SYT1: variants seen among roughly 807,000 people sequenced by gnomAD.
SYT1 encodes synaptotagmin-1.
In SYT1, 8 loss-of-function variants were observed where a neutral mutation model predicts 44.8. The observed-to-expected ratio is 0.18, with a 90% confidence interval of 0.10 to 0.32. The LOEUF (loss-of-function observed/expected upper bound fraction) is 0.32, where lower values mean the gene tolerates loss of function less well. Among genes scored for constraint, SYT1 ranks in the 10% least tolerant of loss-of-function variants. The pLI, the probability that SYT1 is intolerant of heterozygous loss-of-function variation, is 1.00. For synonymous variants in SYT1, 154 were observed against 188.8 expected (o/e 0.82, Z 1.51); for missense variants, 286 against 509.3 (o/e 0.56, Z 4.22).
In SYT1 at chr12:79,449,091, G is replaced by C. The variant is rs1565962897; in HGVS notation, c.1236G>C (p.Glu412Asp). 2 of 1,613,768 alleles carry C rather than the reference G, an allele frequency of 1.2e-6. No homozygotes were observed. The highest frequency in any genetic ancestry group is 1.7e-6 in the Non-Finnish European group (2 of 1,179,844). The change falls in exon 11 of 11, where the codon GAG becomes GAC. Residue 412 changes from glutamate (E) to aspartate (D), a missense_variant. Physicochemically the swap from Glu to Asp is conservative, Grantham distance 45. Coordinates refer to ENST00000261205, the MANE Select transcript of SYT1 (RefSeq NM_005639.3). ...AGTGGCACACCCTGCAGGTAGAGGA[G>C]GAAGTTGATGCCATGCTGGCCGTCA... ...IAQWHTLQVE[E>D]EVDAMLAVKK
intron 1 of SYT1, among the ~76,000 whole-genome samples, chr12:78,930,932 C>T (rs1877599174): frequency 6.6e-6 from 1 of 151,600 alleles, no homozygotes; most frequent in Non-Finnish European, 1.5e-5. Flanking sequence ...ATACCTAAGA[C>T]TGAATAAATG....
intron 3 of SYT1, among the ~76,000 whole-genome samples, chr12:79,119,732 A>G (rs995446993): frequency 6.6e-6 from 1 of 152,198 alleles, no homozygotes; most frequent in Admixed American, 6.5e-5. Flanking sequence ...CCCAGGACTC[A>G]CTGAAACAAA....
At chr12:78,900,774 C>A (rs1242345830) in intron 1 of SYT1, among the ~76,000 whole-genome samples, 3 of 151,980 alleles carry the variant, frequency 2.0e-5, no homozygotes, top group Non-Finnish European at 4.4e-5. Flanking sequence ...TTAGAAATTT[C>A]TTTTATGTGG....
At chr12:79,308,599 AAAG>A (rs1305691030) in intron 8 of SYT1, among the ~76,000 whole-genome samples, 30 of 84,650 alleles carry the variant, frequency 3.5e-4, no homozygotes, top group African/African-American at 1.3e-3. Context: ...AAGAAGAAAG[AAAG>A]AAAGAAAGAA....
chr12:79,246,691 A>G (rs1354021868), intron 4 of SYT1, among the ~76,000 whole-genome samples: 1 of 152,212 alleles, frequency 6.6e-6, no homozygotes, highest in Non-Finnish European at 1.5e-5. Flanking sequence ...AGCCCTCATG[A>G]CTTAATCACT....
In SYT1 at chr12:79,212,516, A is replaced by AT. The variant is rs1874522676; in HGVS notation, c.-17-4985dup. 2.6e-5 allele frequency among the ~76,000 whole-genome samples: 4 copies of AT among 152,180 alleles called. No individual in the cohort carries two copies. In the South Asian group the frequency reaches 8.3e-4, roughly 32 times the overall value. Reference sequence around the variant, plus strand: ...GTAAAATGAAAAAAAAAAAAAGAAAATTGCCTGTGCTGGACTTTCTTTTAG... The same window carrying AT: ...GTAAAATGAAAAAAAAAAAAAGAAAATTTGCCTGTGCTGGACTTTCTTTTAG... On this transcript the variant is annotated intron_variant, in intron 3 of 10. Coordinates refer to ENST00000261205, the MANE Select transcript of SYT1 (RefSeq NM_005639.3).
chr12:79,159,848 T>A (rs1236577177), intron 3 of SYT1, among the ~76,000 whole-genome samples: 3 of 152,162 alleles, frequency 2.0e-5, no homozygotes, highest in Admixed American at 6.6e-5. Flanking sequence ...TACATTCCAA[T>A]TTCTCGGAGT....
intron 3 of SYT1, among the ~76,000 whole-genome samples, chr12:79,134,256 A>G (rs17005248): frequency 0.014 from 2,129 of 152,330 alleles, 54 homozygotes; most frequent in African/African-American, 0.049. Flanking sequence ...TCCTCAATCA[A>G]TGTAAGGAAT....
chr12:79,054,957 G>A (rs1874822228), intron 3 of SYT1, among the ~76,000 whole-genome samples: 2 of 151,862 alleles, frequency 1.3e-5, no homozygotes, highest in South Asian at 4.1e-4. Context: ...CATATTTCAT[G>A]ATTTACAGTA....
intron 8 of SYT1, among the ~76,000 whole-genome samples, chr12:79,321,764 G>A (rs545569284): frequency 1.3e-5 from 2 of 152,288 alleles, no homozygotes; most frequent in African/African-American, 4.8e-5. Flanking sequence ...CAAGGACAAG[G>A]ACCAAACCTT....
chr12:79,096,637 G>T (rs1878149129), intron 3 of SYT1, among the ~76,000 whole-genome samples: 2 of 151,950 alleles, frequency 1.3e-5, no homozygotes, highest in African/African-American at 4.8e-5. Flanking sequence ...TAAGCAGTAT[G>T]TTAAAAGGAA....
intron 10 of SYT1, among the ~76,000 whole-genome samples, chr12:79,444,849 T>C (rs994370504): frequency 3.9e-5 from 6 of 152,138 alleles, no homozygotes; most frequent in African/African-American, 1.4e-4. Context: ...GCCACAATGA[T>C]AACATGCAAT....
rs376890930 is a variant in SYT1, at chr12:79,311,184, G to A, written c.810+11633G>A. ...GATAGCTCTTATTATTTTGAGATAC[G>A]TCCCCATCAAAAAGTGGGCAAAGGA... is the stretch of plus-strand genomic sequence containing the variant. On this transcript the variant is annotated intron_variant, in intron 8 of 10. Coordinates refer to ENST00000261205, the MANE Select transcript of SYT1 (RefSeq NM_005639.3). Among the ~76,000 whole-genome samples the A allele has an allele frequency of 4.6e-5, 7 of 152,130 alleles. No individual in the cohort carries two copies. The East Asian group carries it at 5.8e-4, about 13-fold the overall frequency.
chr12:79,430,871 T>G (rs1195971585), intron 9 of SYT1, among the ~76,000 whole-genome samples: 1 of 152,202 alleles, frequency 6.6e-6, no homozygotes, highest in Non-Finnish European at 1.5e-5. Context: ...TAGCAAATAT[T>G]GACTGGATTC....
At chr12:79,003,614 C>T (rs985248981) in intron 2 of SYT1, among the ~76,000 whole-genome samples, 4 of 151,868 alleles carry the variant, frequency 2.6e-5, no homozygotes, top group Non-Finnish European at 5.9e-5. Flanking sequence ...GTTGTTGCTT[C>T]TTTGTTTCTG....
chr12:79,363,214 A>G (rs1225329145), intron 9 of SYT1, among the ~76,000 whole-genome samples: 1 of 152,164 alleles, frequency 6.6e-6, no homozygotes, highest in Non-Finnish European at 1.5e-5. Flanking sequence ...ATTTTTAAAA[A>G]TTATGTTTAG....
chr12:79,293,406 A>AAAATAAAATT (rs1491364410), intron 6 of SYT1, among the ~76,000 whole-genome samples: 45 of 63,754 alleles, frequency 7.1e-4, no homozygotes, highest in East Asian at 2.9e-3. Context: ...AAAATAAAAT[A>AAAATAAAATT]AAATTAAAAA....
intron 1 of SYT1, among the ~76,000 whole-genome samples, chr12:78,923,540 C>T (rs1036899246): frequency 3.5e-4 from 52 of 149,910 alleles, no homozygotes; most frequent in African/African-American, 1.3e-3. Context: ...TATTGAACTA[C>T]ATTATAGAAC....
At chr12:78,978,853 A>T (rs73351413) in intron 2 of SYT1, among the ~76,000 whole-genome samples, 2,044 of 152,320 alleles carry the variant, frequency 0.013, 47 homozygotes, top group African/African-American at 0.044. Context: ...GCTACAGTGG[A>T]TCGCCAATAC....
Sources: allele counts gnomAD v4.1 joint callset (sites outside exome capture counted in the v4.1 genomes callset), GRCh38; gene constraint gnomAD v4.1.1; transcripts MANE v1.5; gene names NCBI Gene and HGNC (gene_info 2026-07-23, HGNC 2026-07-21).